Variants in SCN10A observed in about 807,000 individuals in gnomAD.
SCN10A encodes the protein sodium channel protein type 10 subunit alpha.
In SCN10A, 162 loss-of-function variants were observed where a neutral mutation model predicts 170.7. The observed-to-expected ratio is 0.95, with a 90% CI of 0.84 to 1.08. The LOEUF is 1.08. SCN10A is among the 50% of genes least tolerant of loss of function. The pLI, the probability that SCN10A is intolerant of heterozygous loss-of-function variation, is 0.00. For synonymous variants in SCN10A, 985 were observed against 904.6 expected (o/e 1.09, Z -1.59); for missense variants, 2,527 against 2,436.9 (o/e 1.04, Z -0.78).
Position 38,698,650 on chromosome 3 carries a change from G to C in SCN10A, c.4658-88C>G, listed in dbSNP as rs879054408. ...CTGTGATGACACTCTGCTTTGCTTG[G>C]TATAGACTGCCACTTGGGCATCCAC... On this transcript the variant is annotated intron_variant, in intron 27 of 27. Transcript: ENST00000449082. 4.7e-5 allele frequency: 61 copies of C among 1,288,958 alleles called. No homozygotes were observed. The South Asian group carries it at 6.1e-4, about 13-fold the overall frequency. The allele number at this position is 1,288,958 out of a possible 1,614,324, so 79.8% of individuals were successfully genotyped here.
At chr3:38,714,904 A>G (rs2125991798) in intron 21 of SCN10A, among the ~76,000 whole-genome samples, 1 of 152,292 alleles carries the variant, frequency 6.6e-6, no homozygotes, top group East Asian at 1.9e-4. Context: ...CTGTCCTGTG[A>G]GATCTTAGCC....
chr3:38,759,407 G>A (rs574840762), intron 8 of SCN10A, among the ~76,000 whole-genome samples: 26 of 152,100 alleles, frequency 1.7e-4, no homozygotes, highest in Middle Eastern at 6.8e-3. Context: ...TATTCACCCA[G>A]CCTGGAGACA....
chr3:38,756,638 G>T, intron 10 of SCN10A, 36 bp downstream of exon 10: 1 of 1,562,958 alleles, frequency 6.4e-7, no homozygotes, highest in Non-Finnish European at 8.8e-7. Context: ...TGGACAGTCT[G>T]CAACCTTCTT....
At chr3:38,759,959 T>C (rs1559449303) in intron 8 of SCN10A, among the ~76,000 whole-genome samples, 2 of 152,210 alleles carry the variant, frequency 1.3e-5, no homozygotes, top group Non-Finnish European at 2.9e-5. Context: ...AATGTGGCTA[T>C]AGAATGGAGT....
rs199931920 is a variant in SCN10A at position 38,702,100 on chromosome 3, G to A, written c.4396C>T (p.Gln1466Ter). The A allele has an allele frequency of 6.8e-5, 105 of 1,550,344 alleles. No individual in the cohort carries two copies. Among genetic ancestry groups the A allele is most frequent in the Non-Finnish European group, 8.7e-6 (10 of 1,150,206 alleles). ...KPIPRPLNKFQGFVFDIVTRQ... is the reference protein window; with the variant it reads ...KPIPRPLNKF ...GTCACGATGTCAAAGACAAAACCCT[G>A]GAACTTGTTCTGAGAAAACAAGAGA... Residue 1466 changes from glutamine (Q) to a stop codon, truncating the protein, a stop_gained, in exon 27 of 28, where the codon CAG (glutamine) becomes TAG (stop). Transcript: ENST00000449082. LOFTEE classifies it high-confidence loss of function.
chr3:38,720,052 G>A (rs905987567), intron 20 of SCN10A, among the ~76,000 whole-genome samples: 1 of 152,230 alleles, frequency 6.6e-6, no homozygotes, highest in African/African-American at 2.4e-5. Context: ...TTGCCTCAAG[G>A]TGGGACAGCT....
intron 14 of SCN10A, among the ~76,000 whole-genome samples, chr3:38,740,523 A>G (rs1272972835): frequency 1.3e-5 from 2 of 152,234 alleles, no homozygotes; most frequent in African/African-American, 2.4e-5. Flanking sequence ...TTCAAAGAGT[A>G]TCTATGGAGT....
At position 38,752,324 on chromosome 3, in the gene SCN10A, A is replaced by G; in HGVS notation, c.1650T>C (p.Pro550=). ...GGGAGQQGPL[P]RSPLPQPSNP... is the part of the protein sequence containing the mutation. ...TGCTGGGTTGAGGAAGAGGGCTTCT[A>G]GGGAGGGGGCCTTGCTGGCCAGCAC... The change falls in exon 12 of 28, where the codon CCT becomes CCC. Residue 550 remains proline, a synonymous_variant. Coordinates refer to ENST00000449082, the MANE Select transcript of SCN10A (RefSeq NM_006514.4). 1 of 1,612,534 alleles carries G rather than the reference A, an allele frequency of 6.2e-7. No individual in the cohort carries two copies. Among genetic ancestry groups the G allele is most frequent in the Non-Finnish European group, 8.5e-7 (1 of 1,179,338 alleles).
At chr3:38,701,135 A>G (rs777347844) in intron 27 of SCN10A, among the ~76,000 whole-genome samples, 1 of 152,204 alleles carries the variant, frequency 6.6e-6, no homozygotes, top group Non-Finnish European at 1.5e-5. Flanking sequence ...CTCAGTGCTC[A>G]GAACTTAGGA....
chr3:38,701,694 C>T, intron 27 of SCN10A, 145 bp downstream of exon 27: 2 of 736,806 alleles, frequency 2.7e-6, no homozygotes, highest in Non-Finnish European at 4.3e-6. Context: ...AAACTTGCTA[C>T]TCTTGGAAAG....
chr3:38,713,656 A>C (rs1029841851), intron 22 of SCN10A, among the ~76,000 whole-genome samples: 1 of 152,192 alleles, frequency 6.6e-6, no homozygotes, highest in African/African-American at 2.4e-5. Context: ...GAGGGCATAA[A>C]GGGGGAAGGG....
At chr3:38,737,477 T>C (rs2063577546) in intron 15 of SCN10A, among the ~76,000 whole-genome samples, 2 of 152,182 alleles carry the variant, frequency 1.3e-5, no homozygotes, top group African/African-American at 4.8e-5. Flanking sequence ...AAGTTATGGA[T>C]AAAGAGTCCT....
chr3:38,794,108 G>T, intron 1 of SCN10A, 66 bp from the exon 2 acceptor site: 1 of 1,109,956 alleles, frequency 9.0e-7, no homozygotes, highest in Non-Finnish European at 1.3e-6. Context: ...CCTCTCATCT[G>T]TCCCATCTTG....
chr3:38,727,133 G>A, intron 16 of SCN10A, 81 bp from the exon 17 acceptor site: 3 of 1,367,226 alleles, frequency 2.2e-6, no homozygotes, highest in African/African-American at 1.4e-5. Flanking sequence ...GCAGCTGGCT[G>A]GCAAGACAGC....
chr3:38,736,831 T>C (rs1476755579), intron 15 of SCN10A, among the ~76,000 whole-genome samples: 1 of 151,936 alleles, frequency 6.6e-6, no homozygotes, highest in Non-Finnish European at 1.5e-5. Context: ...CAGAATCCTG[T>C]AGGGGCAGAC....
intron 22 of SCN10A, among the ~76,000 whole-genome samples, chr3:38,712,860 A>G (rs1233805655): frequency 6.6e-6 from 1 of 152,258 alleles, no homozygotes; most frequent in Non-Finnish European, 1.5e-5. Flanking sequence ...GAAAACCTAA[A>G]TCCATATTCA....
At chr3:38,774,796 T>A (rs1385227284) in intron 4 of SCN10A, among the ~76,000 whole-genome samples, 1 of 152,224 alleles carries the variant, frequency 6.6e-6, no homozygotes, top group Admixed American at 6.5e-5. Flanking sequence ...GCAGCCTCTC[T>A]TACTCACTTT....
rs965938474 is a variant in SCN10A at position 38,742,214 on chromosome 3, A to G, written c.2106+77T>C. ...AACCAATAAGGGCATGCCCCACCCC[A>G]CCCGAACTGCACCCTGCCATCATCC... On this transcript the variant is annotated intron_variant, in intron 14 of 27. Coordinates refer to ENST00000449082, the MANE Select transcript of SCN10A (RefSeq NM_006514.4). The G allele has an allele frequency of 9.4e-6, 7 of 742,044 alleles. No individual in the cohort carries two copies. The Admixed American group carries it at 1.2e-4, about 13-fold the overall frequency. 46.0% of individuals were successfully genotyped at this position (742,044 alleles called of 1,614,324 possible).
chr3:38,801,901 T>A (rs922726347), intron 1 of SCN10A, among the ~76,000 whole-genome samples: 1 of 152,112 alleles, frequency 6.6e-6, no homozygotes, highest in Admixed American at 6.6e-5. Context: ...ATCTAGACCT[T>A]TCTTCTGAGT....
Sources: allele counts gnomAD v4.1 joint callset (sites outside exome capture counted in the v4.1 genomes callset), GRCh38; gene constraint gnomAD v4.1.1; transcripts MANE v1.5; gene names NCBI Gene and HGNC (gene_info 2026-07-23, HGNC 2026-07-21).